Variants in KL observed in about 807,000 individuals in gnomAD.
KL encodes the protein klotho.
KL carries 62 observed loss-of-function variants against 84.2 expected under a neutral mutation model. The observed-to-expected ratio is 0.74, with a 90% CI of 0.60 to 0.91. The LOEUF is 0.91. Ranked by LOEUF, KL falls within the 40% of genes least tolerant of loss-of-function variation. The probability of loss-of-function intolerance (pLI) is 0.00; values close to 1 mark genes in which losing one functional copy is unlikely to be tolerated. For missense variants in KL, 1,261 were observed against 1,305.7 expected, an observed-to-expected ratio of 0.97 and a Z score of 0.53; for synonymous variants, 528 against 528.0, an observed-to-expected ratio of 1.00 and a Z score of 0.00.
At chr13:33,062,672 C>CAA (rs35287139) in intron 4 of KL, among the ~76,000 whole-genome samples, 23,713 of 66,108 alleles carry the variant, frequency 0.36, 5,309 homozygotes, top group East Asian at 0.41. Context: ...GACTCCATCT[C>CAA]AAAAAAAAAA....
At chr13:33,016,370 CGG>C, upstream of KL, 1 of 161,698 alleles carries the variant, frequency 6.2e-6, no homozygotes, top group Non-Finnish European at 1.2e-5. Flanking sequence ...CGGCGGTGGG[CGG>C]GCGGGCGCGG....
rs115322812 is a variant in KL at position 33,049,894 on chromosome 13, G to A, written c.820-3873G>A. On this transcript the variant is annotated intron_variant, in intron 1 of 4. Coordinates refer to ENST00000380099, the MANE Select transcript of KL (RefSeq NM_004795.4). The stretch of plus-strand genomic sequence containing the variant: ...AAAATATATAGATGGGTAAAATGAA[G>A]TGAATTATACCACCCACAATCCTGC... 8.4e-3 allele frequency among the ~76,000 whole-genome samples: 1,272 copies of A among 152,260 alleles called. 15 individuals carry two copies. Among genetic ancestry groups the A allele is most frequent in the African/African-American group, 0.017 (701 of 41,542 alleles).
chr13:33,049,951 C>T (rs1308896698), intron 1 of KL, among the ~76,000 whole-genome samples: 1 of 152,116 alleles, frequency 6.6e-6, no homozygotes, highest in Non-Finnish European at 1.5e-5. Flanking sequence ...TTATAAATCC[C>T]TCCAGATCAA....
At chr13:33,056,561 C>T (rs1871963798) in intron 3 of KL, among the ~76,000 whole-genome samples, 1 of 151,170 alleles carries the variant, frequency 6.6e-6, no homozygotes. Flanking sequence ...TTTGGGAGGC[C>T]GAGGCGGGCG....
At chr13:33,055,007 C>A in intron 2 of KL, 40 bp from the exon 3 acceptor site, 2 of 1,613,768 alleles carry the variant, frequency 1.2e-6, no homozygotes, top group East Asian at 2.2e-5. Flanking sequence ...AAGTGCCCAG[C>A]GAAGGGTCAT....
rs1169668941 is a variant in KL, at chr13:33,017,164, G to A, written c.724G>A (p.Val242Met). 2 of 1,600,884 alleles carry A rather than the reference G, an allele frequency of 1.2e-6. No individual in the cohort carries two copies. The highest frequency in any genetic ancestry group is 8.5e-7 in the Non-Finnish European group (1 of 1,179,750). ...CTGGATCACCATCGACAACCCCTAC[G>A]TGGTGGCCTGGCACGGCTACGCCAC... ...KYWITIDNPY[V>M]VAWHGYATGR... Residue 242 changes from valine (V) to methionine (M), a missense_variant, in exon 1 of 5, where the codon GTG becomes ATG. Val to Met is a conservative substitution (Grantham distance 21). Transcript: ENST00000380099.
At chr13:33,038,711 A>C (rs527518834) in intron 1 of KL, among the ~76,000 whole-genome samples, 3 of 152,348 alleles carry the variant, frequency 2.0e-5, no homozygotes, top group Admixed American at 2.0e-4. Flanking sequence ...AGGTATAACA[A>C]TAGGAAATTA....
chr13:33,020,332 C>G (rs1253927374), intron 1 of KL, among the ~76,000 whole-genome samples: 1 of 152,126 alleles, frequency 6.6e-6, no homozygotes, highest in Admixed American at 6.5e-5. Flanking sequence ...CCTGGCGATT[C>G]CCTCTTAGTC....
intron 1 of KL, among the ~76,000 whole-genome samples, chr13:33,017,692 T>C (rs923937228): frequency 6.6e-6 from 1 of 152,172 alleles, no homozygotes; most frequent in Non-Finnish European, 1.5e-5. Flanking sequence ...TCAGTGTTAA[T>C]CCAATAAGAT....
intron 4 of KL, among the ~76,000 whole-genome samples, chr13:33,062,467 G>A (rs1004701464): frequency 6.6e-6 from 1 of 151,398 alleles, no homozygotes; most frequent in Non-Finnish European, 1.5e-5. Context: ...GAGGTCAGAA[G>A]TTCAAGACCA....
intron 1 of KL, among the ~76,000 whole-genome samples, chr13:33,042,699 T>C (rs2858825): frequency 0.83 from 126,458 of 152,054 alleles, 52,762 homozygotes; most frequent in Middle Eastern, 0.89. Context: ...TTTTTAATTG[T>C]GATGGGGTTT....
chr13:33,045,792 C>A (rs1304674329), intron 1 of KL, among the ~76,000 whole-genome samples: 1 of 152,162 alleles, frequency 6.6e-6, no homozygotes, highest in Non-Finnish European at 1.5e-5. Flanking sequence ...AAATGCTTTT[C>A]TTAATCATAT....
intron 1 of KL, among the ~76,000 whole-genome samples, chr13:33,047,029 T>C (rs1466254806): frequency 3.3e-5 from 5 of 152,200 alleles, no homozygotes; most frequent in Admixed American, 3.3e-4. Context: ...TCTCAACAGT[T>C]TAAAATTTAT....
intron 3 of KL, among the ~76,000 whole-genome samples, chr13:33,057,643 A>G (rs71436501): frequency 0.057 from 8,639 of 152,008 alleles, 333 homozygotes; most frequent in South Asian, 0.1. Context: ...AACAAACACA[A>G]AATTAAGTCA....
intron 1 of KL, among the ~76,000 whole-genome samples, chr13:33,045,227 T>A (rs1871482565): frequency 6.6e-6 from 1 of 152,354 alleles, no homozygotes; most frequent in Admixed American, 6.5e-5. Flanking sequence ...TGAAATCGTT[T>A]ATTTTTTGCA....
At chr13:33,037,515 G>T (rs942054561) in intron 1 of KL, among the ~76,000 whole-genome samples, 2 of 151,990 alleles carry the variant, frequency 1.3e-5, no homozygotes, top group South Asian at 2.1e-4. Flanking sequence ...TGAATTAAAG[G>T]CCCCAATGTT....
At chr13:33,021,908 C>T (rs1870590316) in intron 1 of KL, among the ~76,000 whole-genome samples, 1 of 152,126 alleles carries the variant, frequency 6.6e-6, no homozygotes, top group Admixed American at 6.5e-5. Flanking sequence ...TTGTACATAA[C>T]TAGAATAATC....
At chr13:33,060,434 C>T (rs892896782) in intron 3 of KL, among the ~76,000 whole-genome samples, 10 of 152,254 alleles carry the variant, frequency 6.6e-5, no homozygotes, top group African/African-American at 2.4e-4. Flanking sequence ...CAAATCCAGA[C>T]TTTTGGGGGT....
In KL at chr13:33,016,540, G is replaced by A; in HGVS notation, c.100G>A (p.Glu34Lys). 1 of 1,391,984 alleles carries A rather than the reference G, an allele frequency of 7.2e-7. No individual in the cohort carries two copies. The highest frequency in any genetic ancestry group is 9.3e-7 in the Non-Finnish European group (1 of 1,078,116). 86.2% of individuals were successfully genotyped at this position (1,391,984 alleles called of 1,614,324 possible). The change falls in exon 1 of 5, where the codon GAG (glutamate) becomes AAG (lysine). Residue 34 changes from glutamate to lysine, a missense_variant. Physicochemically the swap from Glu to Lys is moderately conservative, Grantham distance 56 (BLOSUM62 1). Coordinates refer to ENST00000380099, the MANE Select transcript of KL (RefSeq NM_004795.4). ...LGLGGRRLRAEPGDGAQTWAR... is the reference protein window; with the variant it reads ...LGLGGRRLRAKPGDGAQTWAR... ...CCTGGGCGGCCGCCGCCTGCGTGCG[G>A]AGCCGGGCGACGGCGCGCAGACCTG...
Sources: allele counts gnomAD v4.1 joint callset (sites outside exome capture counted in the v4.1 genomes callset), GRCh38; gene constraint gnomAD v4.1.1; transcripts MANE v1.5; gene names NCBI Gene and HGNC (gene_info 2026-07-23, HGNC 2026-07-21).